The following EPHA6 variants were observed in gnomAD, a reference collection of about 807,000 sequenced individuals.
The protein encoded by EPHA6 is ephrin type-A receptor 6.
A neutral mutation model predicts 112.0 loss-of-function variants in EPHA6; 50 were observed. The ratio of observed to expected loss-of-function variants is 0.45; its 90% CI spans 0.36 to 0.56. The LOEUF is 0.56. Among genes scored for constraint, EPHA6 ranks in the 20% least tolerant of loss-of-function variants. The pLI is 0.00. For missense variants in EPHA6, 1,280 were observed against 1,417.4 expected (o/e 0.90, Z 1.56); for synonymous variants, 529 against 490.7 (o/e 1.08, Z -1.03).
At chr3:96,866,045 T>A (rs1232329723) in intron 1 of EPHA6, among the ~76,000 whole-genome samples, 7 of 151,960 alleles carry the variant, frequency 4.6e-5, no homozygotes, top group Non-Finnish European at 7.4e-5. Context: ...TAAAAAAAAA[T>A]CTTATCATAT....
At chr3:97,473,229 T>C (rs2091277538) in intron 7 of EPHA6, among the ~76,000 whole-genome samples, 1 of 151,762 alleles carries the variant, frequency 6.6e-6, no homozygotes, top group Non-Finnish European at 1.5e-5. Context: ...TTTAACACAT[T>C]TTATTCTCCA....
chr3:97,451,761 C>T (rs1040321386), intron 7 of EPHA6, among the ~76,000 whole-genome samples: 19 of 151,880 alleles, frequency 1.3e-4, no homozygotes, highest in African/African-American at 4.1e-4. Context: ...ATCTTTTTCT[C>T]TCCGTACCCT....
In EPHA6 at chr3:97,019,978, G is replaced by A. The variant is rs559436574; in HGVS notation, c.1114+31985G>A. ...TAACTTTGAAGTTTTTTCCACTAAA[G>A]CACAAGTGCTTTTCCAGATTCCTTG... On this transcript the variant is annotated intron_variant, in intron 3 of 17. Transcript: ENST00000389672. Among the ~76,000 whole-genome samples the A allele has an allele frequency of 3.3e-5, 5 of 152,160 alleles. No homozygotes were observed. The South Asian group carries it at 8.3e-4, about 25-fold the overall frequency.
intron 12 of EPHA6, among the ~76,000 whole-genome samples, chr3:97,601,421 A>G (rs1456911817): frequency 6.6e-6 from 1 of 152,112 alleles, no homozygotes; most frequent in East Asian, 1.9e-4. Context: ...GCCGCACAGG[A>G]TAGCATACAT....
chr3:97,483,937 G>A lies in EPHA6; in HGVS notation c.2078G>A (p.Arg693His), dbSNP rs755277174. 1.3e-5 allele frequency: 21 copies of A among 1,588,848 alleles called. No individual in the cohort carries two copies. Among genetic ancestry groups the A allele is most frequent in the Admixed American group, 8.9e-5 (5 of 56,392 alleles). ...RRNHLQNGHL[R>H]FPGIKTYIDP... ...CGTTTTGTTATTGTTGTTGCAGTGC[G>A]CTTCCCGGGAATTAAAACTTACATT... Residue 693 changes from arginine to histidine, a missense_variant, in exon 10 of 18, where the codon CGC (arginine) becomes CAC (histidine). By Grantham distance (29) the Arg-to-His change is conservative. Transcript: ENST00000389672.
At chr3:97,743,922 G>GA (rs1303529915) in intron 16 of EPHA6, among the ~76,000 whole-genome samples, 2 of 151,868 alleles carry the variant, frequency 1.3e-5, no homozygotes, top group Non-Finnish European at 1.5e-5. Flanking sequence ...ATATATTGAT[G>GA]ACCTATCTAA....
intron 14 of EPHA6, among the ~76,000 whole-genome samples, chr3:97,688,785 A>G (rs2032444561): frequency 6.6e-6 from 1 of 152,112 alleles, no homozygotes; most frequent in Non-Finnish European, 1.5e-5. Flanking sequence ...TCTAAATGGG[A>G]TTACACTTTT....
At chr3:97,735,872 A>G (rs1473764554) in intron 15 of EPHA6, 53 bp from the exon 16 acceptor site, 13 of 1,334,878 alleles carry the variant, frequency 9.7e-6, no homozygotes, top group South Asian at 9.5e-5. Flanking sequence ...AAATTATAGC[A>G]TATGTATTAC....
At chr3:97,473,581 T>A (rs59151820) in intron 7 of EPHA6, among the ~76,000 whole-genome samples, 28,780 of 151,824 alleles carry the variant, frequency 0.19, 4,116 homozygotes, top group African/African-American at 0.38. Context: ...ATTATGCTAT[T>A]TATTTTACAG....
intron 11 of EPHA6, among the ~76,000 whole-genome samples, chr3:97,563,678 C>T (rs1457730713): frequency 6.6e-6 from 1 of 152,098 alleles, no homozygotes; most frequent in Admixed American, 6.6e-5. Context: ...CAGAAAGTTC[C>T]TGGTCCCAAT....
intron 3 of EPHA6, among the ~76,000 whole-genome samples, chr3:96,994,809 T>TAG (rs1255905682): frequency 3.0e-4 from 44 of 144,918 alleles, no homozygotes; most frequent in South Asian, 4.4e-4. Flanking sequence ...TATATATATA[T>TAG]ATAGAGAGAG....
At chr3:96,864,903 A>C (rs759592995) in intron 1 of EPHA6, among the ~76,000 whole-genome samples, 16 of 152,114 alleles carry the variant, frequency 1.1e-4, no homozygotes, top group Non-Finnish European at 2.2e-4. Context: ...TTGTAAGTAT[A>C]TTAAAAGAGT....
At chr3:97,344,787 C>G (rs1004581791) in intron 5 of EPHA6, among the ~76,000 whole-genome samples, 1 of 152,028 alleles carries the variant, frequency 6.6e-6, no homozygotes, top group African/African-American at 2.4e-5. Context: ...TTTGCATACT[C>G]TAATTTGCTA....
At position 97,753,007 on chromosome 3, in the gene EPHA6, A is replaced by C. The variant is rs1165972322; in HGVS notation, c.*4306A>C. ...TAATATTTTTTAATATGAAGACTCC[A>C]AAAGGTAGAGGAGTACACTGGGTTA... is the stretch of plus-strand genomic sequence containing the variant. On this transcript the variant is annotated 3_prime_UTR_variant, in exon 18 of 18. Coordinates refer to ENST00000389672, the MANE Select transcript of EPHA6 (RefSeq NM_001080448.3). 6.6e-6 allele frequency among the ~76,000 whole-genome samples: 1 copy of C among 152,148 alleles called. No individual in the cohort carries two copies. The highest frequency in any genetic ancestry group is 1.5e-5 in the Non-Finnish European group (1 of 67,992).
At chr3:97,486,097 T>A (rs1332428165) in intron 10 of EPHA6, among the ~76,000 whole-genome samples, 1 of 152,236 alleles carries the variant, frequency 6.6e-6, no homozygotes, top group Non-Finnish European at 1.5e-5. Context: ...AAAAAATAAC[T>A]ACTAAAGAGA....
chr3:97,612,281 C>T (rs2093726770), intron 13 of EPHA6: 1 of 298,480 alleles, frequency 3.4e-6, no homozygotes, highest in South Asian at 3.1e-5. Context: ...TTCAAAAACT[C>T]ATTCTTATCA....
intron 13 of EPHA6, among the ~76,000 whole-genome samples, chr3:97,635,107 A>C (rs2093934621): frequency 6.6e-6 from 1 of 151,986 alleles, no homozygotes; most frequent in African/African-American, 2.4e-5. Context: ...AAAAGGCAAA[A>C]ACATGTACTT....
At chr3:97,547,433 C>T (rs532403757) in intron 11 of EPHA6, among the ~76,000 whole-genome samples, 1 of 152,226 alleles carries the variant, frequency 6.6e-6, no homozygotes, top group East Asian at 1.9e-4. Context: ...AAAGTTTTGT[C>T]TCAGAGGAGT....
chr3:97,255,140 TTGGATGTGTG>T (rs2079265954), intron 5 of EPHA6, among the ~76,000 whole-genome samples: 1 of 122,564 alleles, frequency 8.2e-6, no homozygotes, highest in African/African-American at 3.7e-5. Context: ...GAGGTACATC[TTGGATGTGTG>T]TGTGTGTGTG....
Sources: allele counts gnomAD v4.1 joint callset (sites outside exome capture counted in the v4.1 genomes callset), GRCh38; gene constraint gnomAD v4.1.1; transcripts MANE v1.5; gene names NCBI Gene and HGNC (gene_info 2026-07-23, HGNC 2026-07-21).